SLC16A4: variants seen among roughly 807,000 people sequenced by gnomAD.
The protein encoded by SLC16A4 is probable monocarboxylate transporter 5.
SLC16A4 carries 39 observed loss-of-function variants against 47.9 expected under a neutral mutation model. The observed-to-expected ratio is 0.81, with a 90% CI of 0.63 to 1.06. SLC16A4 has a LOEUF of 1.06. Ranked by LOEUF, SLC16A4 falls within the 50% of genes least tolerant of loss-of-function variation. The pLI is 0.00. For synonymous variants in SLC16A4, 189 were observed against 199.9 expected (o/e 0.95, Z 0.46); for missense variants, 524 against 573.8 (o/e 0.91, Z 0.89).
chr1:110,365,507 A>C (rs1661333912), intron 8 of SLC16A4, among the ~76,000 whole-genome samples: 1 of 151,998 alleles, frequency 6.6e-6, no homozygotes, highest in South Asian at 2.1e-4. Flanking sequence ...TTACTTACTG[A>C]CTCCTGTTTG....
intron 8 of SLC16A4, among the ~76,000 whole-genome samples, chr1:110,366,219 G>T (rs963602008): frequency 6.6e-6 from 1 of 151,542 alleles, no homozygotes; most frequent in African/African-American, 2.4e-5. Context: ...AGTGAGTTGC[G>T]CAATCTCGGC....
chr1:110,390,548 A>T (rs139840838), intron 1 of SLC16A4, among the ~76,000 whole-genome samples: 233 of 152,360 alleles, frequency 1.5e-3, no homozygotes, highest in South Asian at 3.9e-3. Context: ...CCTCTTCCAC[A>T]AGAGAATATT....
At chr1:110,364,699 C>T (rs543819855) in intron 8 of SLC16A4, among the ~76,000 whole-genome samples, 2 of 151,932 alleles carry the variant, frequency 1.3e-5, no homozygotes, top group Admixed American at 6.6e-5. Flanking sequence ...TTAGTAGAGA[C>T]GGAGTTTCGC....
At chr1:110,383,034 C>T in intron 2 of SLC16A4, 68 bp from the exon 3 acceptor site, 2 of 1,409,856 alleles carry the variant, frequency 1.4e-6, no homozygotes, top group South Asian at 3.0e-5. Flanking sequence ...ATTACGGCTA[C>T]TAGAAGTTAT....
chr1:110,376,564 G>T (rs1198894183), intron 7 of SLC16A4, among the ~76,000 whole-genome samples: 1 of 152,196 alleles, frequency 6.6e-6, no homozygotes, highest in East Asian at 1.9e-4. Flanking sequence ...AACCACACTG[G>T]TCGGGAAATC....
intron 8 of SLC16A4, among the ~76,000 whole-genome samples, chr1:110,373,569 A>C (rs114105312): frequency 0.012 from 1,760 of 152,288 alleles, 17 homozygotes; most frequent in Non-Finnish European, 0.018. Context: ...GTGTGTTCAT[A>C]AATGCAAATA....
Position 110,382,983 on chromosome 1 carries a change from CAG to C in SLC16A4, c.88-19_88-18del, listed in dbSNP as rs1247536361. On this transcript the variant is annotated intron_variant, in intron 2 of 8. Coordinates refer to ENST00000369779, the MANE Select transcript of SLC16A4 (RefSeq NM_004696.3). ...CACATTCACCTAAATCAAAGCAGAC[CAG>C]AGTCCAACTCAGGTGGTAAGTGAGC... 6.3e-7 allele frequency: 1 copy of C among 1,580,928 alleles called. No individual in the cohort carries two copies. The highest frequency in any genetic ancestry group is 1.3e-5 in the African/African-American group (1 of 74,136).
Position 110,375,570 on chromosome 1 carries a change from A to G in SLC16A4, c.1243-19T>C, listed in dbSNP as rs370800231. 7.9e-6 allele frequency: 11 copies of G among 1,398,884 alleles called. No individual in the cohort carries two copies. In the African/African-American group the frequency reaches 1.6e-4, roughly 20 times the overall value. 86.7% of individuals were successfully genotyped at this position (1,398,884 alleles called of 1,614,324 possible). A position where few individuals can be genotyped will look rare whatever the true frequency, so the allele number is the denominator to read the frequency against. Reference sequence around the variant, plus strand: ...GATCAACCTGTAGGAATTAGAATTCAGTGTTAGCCATATTAAGGGTGAAAT... The same window carrying G: ...GATCAACCTGTAGGAATTAGAATTCGGTGTTAGCCATATTAAGGGTGAAAT... On this transcript the variant is annotated intron_variant, in intron 7 of 8. Coordinates refer to ENST00000369779, the MANE Select transcript of SLC16A4 (RefSeq NM_004696.3).
chr1:110,386,782 T>G (rs1036465436), intron 2 of SLC16A4, among the ~76,000 whole-genome samples: 2 of 152,192 alleles, frequency 1.3e-5, no homozygotes, highest in African/African-American at 4.8e-5. Context: ...GGCAAACTTC[T>G]GTAAAAAATG....
intron 2 of SLC16A4, among the ~76,000 whole-genome samples, chr1:110,386,428 T>C (rs1263228798): frequency 6.6e-6 from 1 of 152,206 alleles, no homozygotes; most frequent in African/African-American, 2.4e-5. Flanking sequence ...GGGTTTTAGT[T>C]CTGTTACCAG....
intron 8 of SLC16A4, 159 bp from the exon 9 acceptor site, chr1:110,364,052 C>T (rs148489978): frequency 5.7e-5 from 34 of 598,318 alleles, no homozygotes; most frequent in African/African-American, 3.4e-4. Flanking sequence ...GAAGTTGAAT[C>T]AGCTCCACCT....
intron 8 of SLC16A4, among the ~76,000 whole-genome samples, chr1:110,373,705 G>A (rs1372397891): frequency 1.4e-5 from 2 of 147,158 alleles, no homozygotes; most frequent in East Asian, 3.9e-4. Flanking sequence ...TTGAGATGGG[G>A]TCTCACTCTG....
At chr1:110,383,882 C>T (rs1662590543) in intron 2 of SLC16A4, among the ~76,000 whole-genome samples, 2 of 120,212 alleles carry the variant, frequency 1.7e-5, no homozygotes, top group South Asian at 5.7e-4. Context: ...AACTAAGTTT[C>T]CCCCAAAGTT....
chr1:110,363,236 T>G lies in SLC16A4; in HGVS notation c.*530A>C, dbSNP rs1570620840. ...TACATAAGGTACCTGATTAAAATTT[T>G]AGCCTATTTGGTTAAATACTAACAA... On this transcript the variant is annotated 3_prime_UTR_variant, in exon 9 of 9. Transcript: ENST00000369779. 1.3e-5 allele frequency: 2 copies of G among 152,270 alleles called. No homozygotes were observed. Among genetic ancestry groups the G allele is most frequent in the Admixed American group, 1.3e-4 (2 of 15,294 alleles). 9.4% of individuals were successfully genotyped at this position (152,270 alleles called of 1,614,324 possible).
intron 4 of SLC16A4, 25 bp from the exon 5 acceptor site, chr1:110,381,168 G>C: frequency 6.2e-7 from 1 of 1,606,294 alleles, no homozygotes; most frequent in African/African-American, 1.3e-5. Context: ...TAATAGTTTA[G>C]AATCACTCTT....
chr1:110,363,121 AT>A lies in SLC16A4; in HGVS notation c.*644del, dbSNP rs1234945134. 2.0e-5 allele frequency: 3 copies of A among 152,134 alleles called. No homozygotes were observed. The highest frequency in any genetic ancestry group is 7.2e-5 in the African/African-American group (3 of 41,430). 9.4% of individuals were successfully genotyped at this position (152,134 alleles called of 1,614,324 possible). ...GTTTCACACTTCTTTAAATTAAAAA[AT>A]TTTCTATCTTTACATATTTTAGTGA... On this transcript the variant is annotated 3_prime_UTR_variant, in exon 9 of 9. Coordinates refer to ENST00000369779, the MANE Select transcript of SLC16A4 (RefSeq NM_004696.3).
intron 8 of SLC16A4, among the ~76,000 whole-genome samples, chr1:110,369,403 C>T (rs946285086): frequency 6.6e-6 from 1 of 151,970 alleles, no homozygotes; most frequent in African/African-American, 2.4e-5. Flanking sequence ...AGTTCGAGAC[C>T]AGCCTGGGCA....
At chr1:110,364,785 A>G (rs1661288426) in intron 8 of SLC16A4, among the ~76,000 whole-genome samples, 1 of 152,184 alleles carries the variant, frequency 6.6e-6, no homozygotes, top group East Asian at 1.9e-4. Flanking sequence ...TGCTGGGATT[A>G]TAAGCGTGAG....
intron 7 of SLC16A4, among the ~76,000 whole-genome samples, chr1:110,376,713 C>T (rs897722440): frequency 4.0e-5 from 6 of 150,442 alleles, no homozygotes; most frequent in Admixed American, 2.6e-4. Flanking sequence ...AGGAATCCTG[C>T]TGATCCCTTT....
Sources: allele counts gnomAD v4.1 joint callset (sites outside exome capture counted in the v4.1 genomes callset), GRCh38; gene constraint gnomAD v4.1.1; transcripts MANE v1.5; gene names NCBI Gene and HGNC (gene_info 2026-07-23, HGNC 2026-07-21).